F13A1: variants seen among roughly 807,000 people sequenced by gnomAD.
F13A1 encodes coagulation factor XIII A chain.
Under a neutral mutation model 80.1 loss-of-function variants are expected in F13A1, and 47 were observed. The ratio of observed to expected loss-of-function variants is 0.59; its 90% confidence interval spans 0.46 to 0.75. The LOEUF (loss-of-function observed/expected upper bound fraction) is 0.75, where lower values mean the gene tolerates loss of function less well. Ranked by LOEUF, F13A1 falls within the 30% of genes least tolerant of loss-of-function variation. F13A1 has a pLI of 0.00. For synonymous variants in F13A1, 349 were observed against 344.9 expected (o/e 1.01, Z -0.13); for missense variants, 817 against 930.4 (o/e 0.88, Z 1.59).
At chr6:6,299,781 G>A (rs1318253617) in intron 3 of F13A1, among the ~76,000 whole-genome samples, 6 of 148,220 alleles carry the variant, frequency 4.0e-5, no homozygotes, top group East Asian at 3.9e-4. Flanking sequence ...GCTTTGTTCC[G>A]TTGCTGGTGA....
intron 2 of F13A1, among the ~76,000 whole-genome samples, chr6:6,310,726 G>A (rs1313933952): frequency 6.6e-6 from 1 of 152,158 alleles, no homozygotes; most frequent in Admixed American, 6.5e-5. Flanking sequence ...CTATCCTAGG[G>A]CCTGGTACAT....
rs549881396 is a variant in F13A1 at position 6,242,895 on chromosome 6, T to C, written c.798+5417A>G. 3.3e-5 allele frequency among the ~76,000 whole-genome samples: 5 copies of C among 152,322 alleles called. No homozygotes were observed. The East Asian group carries it at 9.6e-4, about 29-fold the overall frequency. ...TGAGCTACATTTGAGAGATTTGCTT[T>C]CCCATACAACCCTATGCTTATTTCC... On this transcript the variant is annotated intron_variant, in intron 6 of 14. Transcript: ENST00000264870.
intron 3 of F13A1, among the ~76,000 whole-genome samples, chr6:6,290,510 G>A (rs1341260079): frequency 6.6e-6 from 1 of 152,174 alleles, no homozygotes; most frequent in Non-Finnish European, 1.5e-5. Context: ...GGCTAAACAA[G>A]ATTCATTTTT....
intron 8 of F13A1, chr6:6,206,549 T>G: frequency 2.0e-6 from 1 of 496,670 alleles, no homozygotes; most frequent in Non-Finnish European, 4.2e-6. Context: ...TTGAGTGGAA[T>G]GAGGGCTTCA....
intron 6 of F13A1, among the ~76,000 whole-genome samples, chr6:6,238,159 C>T (rs971590248): frequency 2.0e-5 from 3 of 152,174 alleles, no homozygotes; most frequent in Non-Finnish European, 4.4e-5. Flanking sequence ...TAGATCCATA[C>T]TCATGTAGAC....
In F13A1 at chr6:6,151,794, T is replaced by G. The variant is rs1368142525; in HGVS notation, c.2045+19A>C. 6.2e-7 allele frequency: 1 copy of G among 1,613,858 alleles called. No individual in the cohort carries two copies. The highest frequency in any genetic ancestry group is 8.5e-7 in the Non-Finnish European group (1 of 1,179,896). ...ACAGCCCTGCACTGCCTGCCCGGTCTCCCCAACCCAAGGTTTACCGGAACA... is the reference window on the plus strand; with the variant it reads ...ACAGCCCTGCACTGCCTGCCCGGTCGCCCCAACCCAAGGTTTACCGGAACA... On this transcript the variant is annotated intron_variant, in intron 14 of 14. Transcript: ENST00000264870.
rs1761307139 is a variant in F13A1, at chr6:6,197,216, G to GT, written c.1216+6dup. ...AGCAAGTTCCCAGAGGGAGGACACAGTTTTACCATCGCTATTTTCCTGGGG... is the reference window on the plus strand; with the variant it reads ...AGCAAGTTCCCAGAGGGAGGACACAGTTTTTACCATCGCTATTTTCCTGGGG... On this transcript the variant is annotated splice_region_variant and intron_variant, in intron 9 of 14. Transcript: ENST00000264870. 2 of 1,613,352 alleles carry GT rather than the reference G, an allele frequency of 1.2e-6. No individual in the cohort carries two copies. Among genetic ancestry groups the GT allele is most frequent in the African/African-American group, 1.3e-5 (1 of 74,924 alleles).
At chr6:6,262,554 G>C (rs1282452403) in intron 4 of F13A1, among the ~76,000 whole-genome samples, 1 of 152,160 alleles carries the variant, frequency 6.6e-6, no homozygotes, top group Non-Finnish European at 1.5e-5. Flanking sequence ...AGTTTGCCCT[G>C]TGTTCTGGAA....
rs1194623661 is a variant in F13A1 at position 6,197,319 on chromosome 6, G to A, written c.1120C>T (p.His374Tyr). 1.9e-6 allele frequency: 3 copies of A among 1,614,002 alleles called. No individual in the cohort carries two copies. The highest frequency in any genetic ancestry group is 2.5e-6 in the Non-Finnish European group (3 of 1,179,922). Residue 374 changes from histidine to tyrosine, a missense_variant, in exon 9 of 15, where the codon CAC becomes TAC. Coordinates refer to ENST00000264870, the MANE Select transcript of F13A1 (RefSeq NM_000129.4). ...GTCATCCATGCTTCATTCCAGCAGT[G>A]GTAGTTCCTTAGAAAACACAAGCCC... ...KLTKDSVWNY[H>Y]CWNEAWMTRP...
At chr6:6,263,193 T>C (rs1002949718) in intron 4 of F13A1, among the ~76,000 whole-genome samples, 17 of 152,210 alleles carry the variant, frequency 1.1e-4, no homozygotes, top group Non-Finnish European at 2.1e-4. Flanking sequence ...ACAGAAAGTC[T>C]TGAGAAAGGT....
At chr6:6,305,612 G>C in intron 2 of F13A1, 73 bp from the exon 3 acceptor site, 1 of 1,521,594 alleles carries the variant, frequency 6.6e-7, no homozygotes, top group East Asian at 2.3e-5. Flanking sequence ...TCAAAAACAA[G>C]ATTATTTTCC....
intron 3 of F13A1, among the ~76,000 whole-genome samples, chr6:6,304,522 G>A (rs907289920): frequency 6.6e-6 from 1 of 152,060 alleles, no homozygotes; most frequent in African/African-American, 2.4e-5. Flanking sequence ...AAGTTAAATG[G>A]TCCTTCCCCA....
At chr6:6,225,415 T>A (rs1454846419) in intron 6 of F13A1, among the ~76,000 whole-genome samples, 2 of 152,244 alleles carry the variant, frequency 1.3e-5, no homozygotes, top group Non-Finnish European at 2.9e-5. Context: ...ACAGATGTTG[T>A]CTTGGAATCA....
At chr6:6,152,316 T>C (rs528042211) in intron 13 of F13A1, among the ~76,000 whole-genome samples, 1 of 152,316 alleles carries the variant, frequency 6.6e-6, no homozygotes, top group African/African-American at 2.4e-5. Context: ...TCAAGTTTCC[T>C]GCTGGGACAA....
chr6:6,195,375 G>A (rs1476000947), intron 10 of F13A1, among the ~76,000 whole-genome samples: 1 of 152,170 alleles, frequency 6.6e-6, no homozygotes, highest in Non-Finnish European at 1.5e-5. Context: ...ACCATGGTTG[G>A]GTGTGTGTAT....
At chr6:6,255,520 T>G (rs945561568) in intron 4 of F13A1, among the ~76,000 whole-genome samples, 2 of 152,106 alleles carry the variant, frequency 1.3e-5, no homozygotes, top group African/African-American at 4.8e-5. Flanking sequence ...CACTGTGCCT[T>G]GGAACACGGT....
chr6:6,170,763 G>A (rs1183144664), intron 12 of F13A1, among the ~76,000 whole-genome samples: 1 of 152,050 alleles, frequency 6.6e-6, no homozygotes, highest in Non-Finnish European at 1.5e-5. Context: ...ATTCTACTTG[G>A]AAAGCTTTCT....
chr6:6,301,224 G>A (rs1286045490), intron 3 of F13A1, among the ~76,000 whole-genome samples: 1 of 152,128 alleles, frequency 6.6e-6, no homozygotes, highest in Non-Finnish European at 1.5e-5. Context: ...TACAACTATG[G>A]CAGCCATGAA....
At chr6:6,216,225 C>G (rs541258206) in intron 8 of F13A1, among the ~76,000 whole-genome samples, 157 of 152,178 alleles carry the variant, frequency 1.0e-3, no homozygotes, top group Non-Finnish European at 1.8e-3. Flanking sequence ...CCAAGTCAAT[C>G]CTAAGCCAAA....
Sources: allele counts gnomAD v4.1 joint callset (sites outside exome capture counted in the v4.1 genomes callset), GRCh38; gene constraint gnomAD v4.1.1; transcripts MANE v1.5; gene names NCBI Gene and HGNC (gene_info 2026-07-23, HGNC 2026-07-21).